Variants in DTNA observed in about 807,000 individuals in gnomAD.
DTNA encodes dystrobrevin alpha, also known as dystrophin-related protein 3.
A neutral mutation model predicts 100.7 loss-of-function variants in DTNA; 43 were observed. That is an observed-to-expected ratio of 0.43 (90% CI 0.33 to 0.55). DTNA has a LOEUF of 0.55. Ranked by LOEUF, DTNA falls within the 20% of genes least tolerant of loss-of-function variation. The pLI, the probability that DTNA is intolerant of heterozygous loss-of-function variation, is 0.04. For synonymous variants in DTNA, 349 were observed against 347.9 expected, an observed-to-expected ratio of 1.00 and a Z score of -0.04; for missense variants, 798 against 953.9, an observed-to-expected ratio of 0.84 and a Z score of 2.15.
intron 1 of DTNA, among the ~76,000 whole-genome samples, chr18:34,693,733 C>T (rs1356729507): frequency 7.0e-6 from 1 of 142,958 alleles, no homozygotes; most frequent in Non-Finnish European, 1.5e-5. Flanking sequence ...TCCTGCTTGT[C>T]ATCTTGTGTG....
At chr18:34,511,275 A>G (rs1298346237) in intron 1 of DTNA, among the ~76,000 whole-genome samples, 1 of 152,132 alleles carries the variant, frequency 6.6e-6, no homozygotes, top group Admixed American at 6.6e-5. Flanking sequence ...ATATATACTT[A>G]AGACCCATCT....
chr18:34,608,581 A>G (rs2147418939), intron 1 of DTNA, among the ~76,000 whole-genome samples: 1 of 152,150 alleles, frequency 6.6e-6, no homozygotes, highest in Non-Finnish European at 1.5e-5. Flanking sequence ...TCTAGGCCCA[A>G]ATTGCTTCAA....
chr18:34,834,719 A>G (rs999208075), intron 11 of DTNA, among the ~76,000 whole-genome samples: 7 of 152,156 alleles, frequency 4.6e-5, no homozygotes, highest in Non-Finnish European at 7.3e-5. Flanking sequence ...AAGGGAACTA[A>G]TAGAGTGAGA....
At position 34,558,204 on chromosome 18, in the gene DTNA, G is replaced by A. The variant is rs138005005; in HGVS notation, c.-2+64690G>A. On this transcript the variant is annotated intron_variant, in intron 1 of 19. Transcript: ENST00000283365. ...TGACCCCTTGCGCTTCCCAAGTGAG[G>A]CAATGCCTTGCCTTGCTTCGGCTCA... 126 of 152,970 alleles carry A rather than the reference G, an allele frequency of 8.2e-4. No individual in the cohort carries two copies. In the East Asian group the frequency reaches 0.023, roughly 28 times the overall value. The allele number at this position is 152,970 out of a possible 1,614,324, so 9.5% of individuals were successfully genotyped here.
chr18:34,885,271 CAG>C (rs1208371941), intron 22 of DTNA, among the ~76,000 whole-genome samples: 2 of 152,120 alleles, frequency 1.3e-5, no homozygotes, highest in East Asian at 1.9e-4. Flanking sequence ...AGAGCCCAAA[CAG>C]AGGAAAAATT....
At chr18:34,747,015 A>G (rs184855711) in intron 1 of DTNA, among the ~76,000 whole-genome samples, 29 of 152,170 alleles carry the variant, frequency 1.9e-4, no homozygotes, top group Non-Finnish European at 3.4e-4. Flanking sequence ...TTTAGAGAAT[A>G]CAAATGGTCC....
At chr18:34,558,661 A>AT (rs1309829984) in intron 1 of DTNA, among the ~76,000 whole-genome samples, 1 of 152,172 alleles carries the variant, frequency 6.6e-6, no homozygotes, top group Non-Finnish European at 1.5e-5. Flanking sequence ...AAAGTGAAGA[A>AT]TTTTTTACAT....
intron 11 of DTNA, among the ~76,000 whole-genome samples, chr18:34,834,686 G>C (rs1264848949): frequency 6.6e-6 from 1 of 152,064 alleles, no homozygotes; most frequent in Admixed American, 6.6e-5. Flanking sequence ...GAGGTGCCAG[G>C]CTACTTTTAA....
intron 15 of DTNA, among the ~76,000 whole-genome samples, chr18:34,853,076 G>A (rs1257317116): frequency 6.6e-6 from 1 of 152,216 alleles, no homozygotes; most frequent in Non-Finnish European, 1.5e-5. Flanking sequence ...CATTGAGTGA[G>A]AAAACGATGA....
At chr18:34,644,664 G>A (rs754021512) in intron 1 of DTNA, among the ~76,000 whole-genome samples, 13 of 151,996 alleles carry the variant, frequency 8.6e-5, no homozygotes, top group Non-Finnish European at 1.8e-4. Context: ...ACAGCACTGA[G>A]GCTTAAAAAA....
intron 3 of DTNA, among the ~76,000 whole-genome samples, chr18:34,770,093 A>T (rs1324522534): frequency 6.6e-6 from 1 of 152,140 alleles, no homozygotes; most frequent in Non-Finnish European, 1.5e-5. Context: ...ACCTGCTAAA[A>T]GTCCCCACCT....
intron 1 of DTNA, among the ~76,000 whole-genome samples, chr18:34,565,105 A>G (rs1598614599): frequency 6.6e-6 from 1 of 152,360 alleles, no homozygotes; most frequent in African/African-American, 2.4e-5. Flanking sequence ...AAAGTCATAC[A>G]AATGAAAAGA....
At chr18:34,517,649 C>G (rs1248769984) in intron 1 of DTNA, among the ~76,000 whole-genome samples, 5 of 152,018 alleles carry the variant, frequency 3.3e-5, no homozygotes, top group Non-Finnish European at 1.5e-5. Flanking sequence ...GTAATCTCTT[C>G]ATCTCTATAA....
In DTNA at chr18:34,851,827, A is replaced by G; in HGVS notation, c.1435-4A>G. ...TGAAATCTTATAAACTACATATTTT[A>G]CAGCAGCCACCTCAGCAGAGAAGTG... On this transcript the variant is annotated splice_polypyrimidine_tract_variant and splice_region_variant and intron_variant, in intron 14 of 22. Transcript: ENST00000444659. 1 of 1,613,914 alleles carries G rather than the reference A, an allele frequency of 6.2e-7. No homozygotes were observed. Among genetic ancestry groups the G allele is most frequent in the Non-Finnish European group, 8.5e-7 (1 of 1,179,808 alleles).
At chr18:34,620,728 T>C (rs1366981798) in intron 1 of DTNA, among the ~76,000 whole-genome samples, 2 of 152,062 alleles carry the variant, frequency 1.3e-5, no homozygotes, top group Non-Finnish European at 2.9e-5. Context: ...CCAGATCTCA[T>C]GAGAACAGCA....
At chr18:34,776,795 C>T (rs925606056) in intron 3 of DTNA, among the ~76,000 whole-genome samples, 1 of 152,206 alleles carries the variant, frequency 6.6e-6, no homozygotes, top group Non-Finnish European at 1.5e-5. Flanking sequence ...GTTGGCTCCA[C>T]TGGATCAAGT....
At chr18:34,584,085 C>T (rs903498168) in intron 1 of DTNA, among the ~76,000 whole-genome samples, 6 of 152,168 alleles carry the variant, frequency 3.9e-5, no homozygotes, top group Non-Finnish European at 8.8e-5. Context: ...GGCAACCAGG[C>T]TGTACTTCCC....
intron 1 of DTNA, among the ~76,000 whole-genome samples, chr18:34,738,280 C>T (rs2090018472): frequency 6.6e-6 from 1 of 152,100 alleles, no homozygotes; most frequent in Non-Finnish European, 1.5e-5. Context: ...TCTTAGTTGA[C>T]CCCAGAGGCC....
chr18:34,521,427 A>G (rs2042138192), intron 1 of DTNA, among the ~76,000 whole-genome samples: 1 of 152,192 alleles, frequency 6.6e-6, no homozygotes. Context: ...AACCAAGAAT[A>G]ATCATGCAAA....
Sources: gnomAD v4.1 joint callset for allele counts (sites outside exome capture counted in the v4.1 genomes callset) on GRCh38, gnomAD v4.1.1 for gene constraint, MANE v1.5 for transcripts, NCBI Gene and HGNC (gene_info 2026-07-23, HGNC 2026-07-21) for gene names.